Variants in FRYL observed in about 807,000 individuals in gnomAD.
FRYL encodes FRY like transcription coactivator.
In FRYL, 150 loss-of-function variants were observed where a neutral mutation model predicts 351.2. The observed-to-expected ratio is 0.43, with a 90% CI of 0.37 to 0.49. The LOEUF (loss-of-function observed/expected upper bound fraction) is 0.49, where lower values mean the gene tolerates loss of function less well. Among genes scored for constraint, FRYL ranks in the 20% least tolerant of loss-of-function variants. FRYL has a pLI of 0.00. For synonymous variants in FRYL, 1,153 were observed against 1,257.1 expected (o/e 0.92, Z 1.75); for missense variants, 3,036 against 3,619.3 (o/e 0.84, Z 4.13).
intron 3 of FRYL, chr4:48,653,940 T>G: frequency 2.5e-6 from 3 of 1,219,382 alleles, no homozygotes; most frequent in Non-Finnish European, 3.1e-6. Flanking sequence ...CTTGGCTTCA[T>G]TACCATGCAG....
At chr4:48,553,674 CA>C (rs1480396775) in intron 35 of FRYL, among the ~76,000 whole-genome samples, 1 of 148,920 alleles carries the variant, frequency 6.7e-6, no homozygotes, top group African/African-American at 2.5e-5. Flanking sequence ...AAAAAAAAAA[CA>C]AAAAAATACT....
intron 1 of FRYL, among the ~76,000 whole-genome samples, chr4:48,752,655 A>C (rs1773367880): frequency 6.6e-6 from 1 of 152,226 alleles, no homozygotes; most frequent in Non-Finnish European, 1.5e-5. Flanking sequence ...CTAGATATAC[A>C]TCCAGTTATA....
At chr4:48,668,477 G>A (rs186966459) in intron 3 of FRYL, among the ~76,000 whole-genome samples, 4 of 152,072 alleles carry the variant, frequency 2.6e-5, no homozygotes, top group African/African-American at 9.6e-5. Context: ...TGGTTTTGAA[G>A]GACAAGTCAG....
At chr4:48,739,894 T>C (rs532672725) in intron 1 of FRYL, among the ~76,000 whole-genome samples, 13 of 152,274 alleles carry the variant, frequency 8.5e-5, no homozygotes, top group Admixed American at 7.2e-4. Flanking sequence ...GGAACAGAAC[T>C]GGTGGTTTTG....
intron 60 of FRYL, among the ~76,000 whole-genome samples, chr4:48,503,793 C>G (rs1429715155): frequency 1.3e-5 from 2 of 152,168 alleles, no homozygotes; most frequent in African/African-American, 2.4e-5. Flanking sequence ...TATGTGGATG[C>G]TCATCCAATA....
At chr4:48,516,939 T>C (rs766375627) in intron 55 of FRYL, among the ~76,000 whole-genome samples, 1 of 152,080 alleles carries the variant, frequency 6.6e-6, no homozygotes, top group Non-Finnish European at 1.5e-5. Flanking sequence ...GTAGGGATGA[T>C]ATTGCAGGGA....
In FRYL at chr4:48,696,057, G is replaced by A. The variant is rs545643976; in HGVS notation, c.-203-11262C>T. Among the ~76,000 whole-genome samples, 12 of 152,310 alleles carry A rather than the reference G, an allele frequency of 7.9e-5. No individual in the cohort carries two copies. In the South Asian group the frequency reaches 2.3e-3, roughly 29 times the overall value. On this transcript the variant is annotated intron_variant, in intron 2 of 63. Transcript: ENST00000358350. ...TGCTGGTGAGGCTGTGGAGAAATAGGAATGCTTTTACACTGTCGGTGGGAG... is the reference window on the plus strand; with the variant it reads ...TGCTGGTGAGGCTGTGGAGAAATAGAAATGCTTTTACACTGTCGGTGGGAG...
At chr4:48,533,957 T>C (rs1728300478) in intron 49 of FRYL, among the ~76,000 whole-genome samples, 1 of 152,228 alleles carries the variant, frequency 6.6e-6, no homozygotes, top group Admixed American at 6.5e-5. Flanking sequence ...CCAGGCACGG[T>C]GGCTCACGCC....
chr4:48,527,156 A>G (rs1726438825), intron 53 of FRYL, among the ~76,000 whole-genome samples: 1 of 152,202 alleles, frequency 6.6e-6, no homozygotes, highest in African/African-American at 2.4e-5. Flanking sequence ...ATTCTCATAT[A>G]AATTTTTACC....
intron 18 of FRYL, among the ~76,000 whole-genome samples, 175 bp from the exon 19 acceptor site, chr4:48,586,903 G>T (rs1448790289): frequency 6.6e-6 from 1 of 151,924 alleles, no homozygotes; most frequent in African/African-American, 2.4e-5. Context: ...ATGGATAAAA[G>T]AATACAGAAA....
intron 49 of FRYL, among the ~76,000 whole-genome samples, chr4:48,532,189 T>C (rs1203735335): frequency 6.6e-6 from 1 of 151,554 alleles, no homozygotes; most frequent in Non-Finnish European, 1.5e-5. Flanking sequence ...AGCTGATATC[T>C]GAGGAAGGAA....
chr4:48,707,385 GA>G (rs1397111612), intron 2 of FRYL, among the ~76,000 whole-genome samples: 1 of 152,124 alleles, frequency 6.6e-6, no homozygotes, highest in Non-Finnish European at 1.5e-5. Context: ...TTATAAATAA[GA>G]TACATGATGT....
intron 1 of FRYL, among the ~76,000 whole-genome samples, chr4:48,763,731 A>G (rs1473203497): frequency 6.6e-6 from 1 of 152,200 alleles, no homozygotes; most frequent in Non-Finnish European, 1.5e-5. Flanking sequence ...ATCAGCCAAG[A>G]AAAGGGTACC....
intron 1 of FRYL, among the ~76,000 whole-genome samples, chr4:48,740,442 G>A (rs187120179): frequency 3.3e-5 from 5 of 151,868 alleles, no homozygotes; most frequent in Non-Finnish European, 5.9e-5. Context: ...CTACAGGTGC[G>A]CACCACCATG....
intron 1 of FRYL, among the ~76,000 whole-genome samples, chr4:48,777,186 G>A (rs138584249): frequency 1.3e-5 from 2 of 152,218 alleles, no homozygotes; most frequent in African/African-American, 4.8e-5. Context: ...ATAAAACCTA[G>A]TCCTGAATAA....
At chr4:48,707,148 A>C (rs572415013) in intron 2 of FRYL, among the ~76,000 whole-genome samples, 2 of 152,332 alleles carry the variant, frequency 1.3e-5, no homozygotes, top group African/African-American at 4.8e-5. Flanking sequence ...TGCTAAGAGA[A>C]TGTGCTAAGT....
At chr4:48,603,079 C>A (rs1167583383) in intron 12 of FRYL, among the ~76,000 whole-genome samples, 1 of 152,170 alleles carries the variant, frequency 6.6e-6, no homozygotes, top group Non-Finnish European at 1.5e-5. Context: ...GAAGTCTGAA[C>A]AACTCAACAA....
At chr4:48,673,632 T>C (rs554633721) in intron 3 of FRYL, among the ~76,000 whole-genome samples, 52 of 152,128 alleles carry the variant, frequency 3.4e-4, no homozygotes, top group African/African-American at 1.2e-3. Flanking sequence ...TGCAATAGAG[T>C]AGAAGGAGCA....
chr4:48,745,505 A>C (rs1277389422), intron 1 of FRYL, among the ~76,000 whole-genome samples: 1 of 152,196 alleles, frequency 6.6e-6, no homozygotes, highest in Non-Finnish European at 1.5e-5. Context: ...TCGCAAGGAC[A>C]AAAAACCAAA....
Sources: allele counts gnomAD v4.1 joint callset (sites outside exome capture counted in the v4.1 genomes callset), GRCh38; gene constraint gnomAD v4.1.1; transcripts MANE v1.5; gene names NCBI Gene and HGNC (gene_info 2026-07-23, HGNC 2026-07-21).